Variants in CEP120 observed in about 807,000 individuals in gnomAD.
CEP120 encodes the protein centrosomal protein of 120 kDa.
CEP120 carries 113 observed loss-of-function variants against 126.5 expected under a neutral mutation model. The observed-to-expected ratio is 0.89, with a 90% CI of 0.77 to 1.04. The LOEUF (loss-of-function observed/expected upper bound fraction) is 1.04. Among genes scored for constraint, CEP120 ranks in the 50% least tolerant of loss-of-function variants. CEP120 has a pLI of 0.00. For missense variants in CEP120, 1,230 were observed against 1,155.7 expected (o/e 1.06, Z -0.93); for synonymous variants, 400 against 394.3 (o/e 1.01, Z -0.17).
chr5:123,395,500 C>T (rs1772715716), intron 5 of CEP120, among the ~76,000 whole-genome samples: 1 of 152,104 alleles, frequency 6.6e-6, no homozygotes, highest in African/African-American at 2.4e-5. Flanking sequence ...AACACCCTAC[C>T]ATCCATACTC....
intron 17 of CEP120, among the ~76,000 whole-genome samples, chr5:123,367,269 C>T (rs1401067686): frequency 2.0e-5 from 3 of 152,006 alleles, no homozygotes; most frequent in Non-Finnish European, 4.4e-5. Flanking sequence ...AATATTCTTA[C>T]ATACATAAAT....
rs1250232665 is a variant in CEP120, at chr5:123,418,530, T to A, written c.50-15A>T. On this transcript the variant is annotated splice_polypyrimidine_tract_variant and intron_variant, in intron 1 of 19. Coordinates refer to ENST00000306467, the MANE Select transcript of CEP120 (RefSeq NM_001375405.1). ...GAAATGCCGACCTGGAGAAACAGAA[T>A]ATATAGATTAATCAAAAGTGTACAA... 6.4e-7 allele frequency: 1 copy of A among 1,562,500 alleles called. No individual in the cohort carries two copies. Among genetic ancestry groups the A allele is most frequent in the South Asian group, 1.2e-5 (1 of 84,752 alleles).
At chr5:123,399,114 C>G (rs770186298) in intron 5 of CEP120, 22 bp downstream of exon 5, 1 of 1,541,510 alleles carries the variant, frequency 6.5e-7, no homozygotes, top group East Asian at 2.3e-5. Flanking sequence ...TCGTAAGTCA[C>G]CAATCTCATG....
At chr5:123,377,882 G>A (rs527850911) in intron 15 of CEP120, among the ~76,000 whole-genome samples, 20 of 151,986 alleles carry the variant, frequency 1.3e-4, no homozygotes, top group East Asian at 5.8e-4. Context: ...TTGCCTAATC[G>A]CATAGAATAC....
chr5:123,380,699 T>C (rs1771577926), intron 14 of CEP120, among the ~76,000 whole-genome samples: 1 of 152,102 alleles, frequency 6.6e-6, no homozygotes, highest in Admixed American at 6.6e-5. Context: ...TAAAATACTC[T>C]TCAACACAAT....
chr5:123,373,828 C>T (rs989140066), intron 16 of CEP120, among the ~76,000 whole-genome samples: 2 of 151,942 alleles, frequency 1.3e-5, no homozygotes, highest in African/African-American at 4.8e-5. Context: ...TCCCAGAGAC[C>T]CCCAGCCCCC....
intron 6 of CEP120, among the ~76,000 whole-genome samples, chr5:123,391,964 CA>C (rs928915920): frequency 6.7e-5 from 10 of 149,574 alleles, no homozygotes; most frequent in Admixed American, 2.7e-4. Flanking sequence ...TTGACAAGTA[CA>C]AAAAAAAAGA....
chr5:123,405,105 G>A (rs1773551847), intron 4 of CEP120, among the ~76,000 whole-genome samples: 1 of 152,230 alleles, frequency 6.6e-6, no homozygotes, highest in Admixed American at 6.5e-5. Flanking sequence ...AGATCTGTCA[G>A]AGAAGTGAGG....
chr5:123,386,787 A>C, intron 9 of CEP120, 120 bp from the exon 10 acceptor site: 1 of 738,478 alleles, frequency 1.4e-6, no homozygotes, highest in Non-Finnish European at 1.9e-6. Flanking sequence ...CAACTTTTTA[A>C]TAGAAACATG....
At chr5:123,419,624 T>C (rs1774595044) in intron 1 of CEP120, among the ~76,000 whole-genome samples, 1 of 151,954 alleles carries the variant, frequency 6.6e-6, no homozygotes, top group Non-Finnish European at 1.5e-5. Flanking sequence ...TTCATTCTAT[T>C]CTCAAGGACA....
chr5:123,393,226 C>G lies in CEP120; in HGVS notation c.810+74G>C, dbSNP rs957901468. ...TAGGATTAAGTTTAGGTACTAAACT[C>G]TCGTTTAGTTTAGGTACTAAATTAA... On this transcript the variant is annotated intron_variant, in intron 6 of 19. Coordinates refer to ENST00000306467, the MANE Select transcript of CEP120 (RefSeq NM_001375405.1). The G allele has an allele frequency of 1.2e-5, 16 of 1,323,442 alleles. No homozygotes were observed. The Admixed American group carries it at 1.8e-4, about 15-fold the overall frequency. The allele number at this position is 1,323,442 out of a possible 1,614,324, so 82.0% of individuals were successfully genotyped here.
intron 11 of CEP120, among the ~76,000 whole-genome samples, 163 bp from the exon 12 acceptor site, chr5:123,383,245 C>CAT (rs1443645357): frequency 1.3e-5 from 2 of 151,910 alleles, no homozygotes; most frequent in South Asian, 4.1e-4. Context: ...CAACACCTTC[C>CAT]ATATATATAT....
chr5:123,387,511 T>C (rs974553258), intron 9 of CEP120, among the ~76,000 whole-genome samples: 2 of 152,124 alleles, frequency 1.3e-5, no homozygotes, highest in African/African-American at 2.4e-5. Flanking sequence ...ATGACACAGC[T>C]GCAAACTACA....
intron 19 of CEP120, among the ~76,000 whole-genome samples, chr5:123,347,206 TATC>T (rs1768890007): frequency 6.6e-6 from 1 of 152,206 alleles, no homozygotes; most frequent in African/African-American, 2.4e-5. Flanking sequence ...GATTTTTTAA[TATC>T]ATTAAATGTT....
At chr5:123,400,527 G>C (rs1297268092) in intron 4 of CEP120, among the ~76,000 whole-genome samples, 3 of 151,984 alleles carry the variant, frequency 2.0e-5, no homozygotes, top group Non-Finnish European at 4.4e-5. Flanking sequence ...GAATGGAATT[G>C]AAGGTGTCAA....
chr5:123,379,911 A>G (rs1336593289), intron 14 of CEP120, among the ~76,000 whole-genome samples: 1 of 152,070 alleles, frequency 6.6e-6, no homozygotes, highest in East Asian at 1.9e-4. Context: ...TCTACAGAAC[A>G]CTTCCTTATG....
rs181051929 is a variant in CEP120, at chr5:123,372,510, G to A, written c.2481+140C>T. 40 of 819,160 alleles carry A rather than the reference G, an allele frequency of 4.9e-5. No individual in the cohort carries two copies. In the East Asian group the frequency reaches 7.4e-4, roughly 15 times the overall value. 50.7% of individuals were successfully genotyped at this position (819,160 alleles called of 1,614,324 possible). A position where few individuals can be genotyped will look rare whatever the true frequency, so the allele number is the denominator to read the frequency against. Reference sequence around the variant, plus strand: ...GAAATTCAAGTACTAATAATGTCACGTGCCTTTAATTCTCTAATGCATTCT... The same window carrying A: ...GAAATTCAAGTACTAATAATGTCACATGCCTTTAATTCTCTAATGCATTCT... On this transcript the variant is annotated intron_variant, in intron 17 of 19. Coordinates refer to ENST00000306467, the MANE Select transcript of CEP120 (RefSeq NM_001375405.1).
chr5:123,378,242 C>T (rs752194725), intron 15 of CEP120, 94 bp downstream of exon 15: 9 of 877,914 alleles, frequency 1.0e-5, no homozygotes, highest in South Asian at 6.0e-5. Flanking sequence ...CCTTCTCTCT[C>T]GGGACTCTTT....
intron 4 of CEP120, chr5:123,402,059 G>A (rs779897925): frequency 1.2e-5 from 19 of 1,592,338 alleles, no homozygotes; most frequent in African/African-American, 1.3e-5. Flanking sequence ...TGAGGGTCTT[G>A]ATCTGCTCCT....
Sources: allele counts gnomAD v4.1 joint callset (sites outside exome capture counted in the v4.1 genomes callset), GRCh38; gene constraint gnomAD v4.1.1; transcripts MANE v1.5; gene names NCBI Gene and HGNC (gene_info 2026-07-23, HGNC 2026-07-21).